Variants in TRABD2B observed in about 807,000 individuals in gnomAD.
The protein encoded by TRABD2B is TraB domain containing 2B.
TRABD2B carries 14 observed loss-of-function variants against 40.1 expected under a neutral mutation model. That is an observed-to-expected ratio of 0.35 (90% CI 0.23 to 0.55). The LOEUF is 0.55. Among genes scored for constraint, TRABD2B ranks in the 20% least tolerant of loss-of-function variants. The probability of loss-of-function intolerance (pLI) is 0.90; values close to 1 mark genes in which losing one functional copy is unlikely to be tolerated. For synonymous variants in TRABD2B, 263 were observed against 277.0 expected (o/e 0.95, Z 0.50); for missense variants, 541 against 648.6 (o/e 0.83, Z 1.80).
intron 2 of TRABD2B, among the ~76,000 whole-genome samples, chr1:47,918,555 T>A (rs1373641361): frequency 2.6e-5 from 4 of 152,100 alleles, no homozygotes; most frequent in Non-Finnish European, 5.9e-5. Context: ...ATAAAGAAAT[T>A]CTTGTTGAGT....
At chr1:47,880,855 C>A (rs1644293285) in intron 2 of TRABD2B, among the ~76,000 whole-genome samples, 2 of 152,192 alleles carry the variant, frequency 1.3e-5, no homozygotes, top group African/African-American at 4.8e-5. Flanking sequence ...CCCCCACTTG[C>A]TATCATTTGC....
At chr1:47,927,510 A>G (rs1644984949) in intron 2 of TRABD2B, among the ~76,000 whole-genome samples, 1 of 152,232 alleles carries the variant, frequency 6.6e-6, no homozygotes, top group Non-Finnish European at 1.5e-5. Flanking sequence ...CAGAGAGCCC[A>G]GGCCTGTCTC....
At chr1:47,871,303 G>A (rs760221058) in intron 2 of TRABD2B, among the ~76,000 whole-genome samples, 1 of 152,122 alleles carries the variant, frequency 6.6e-6, no homozygotes. Context: ...CGCCGTCAGT[G>A]TGGCCCCTCC....
chr1:47,794,562 T>C (rs1313787744), intron 4 of TRABD2B, 24 bp downstream of exon 4: 1 of 1,494,794 alleles, frequency 6.7e-7, no homozygotes, highest in Non-Finnish European at 8.9e-7. Context: ...CTGCAAACAA[T>C]CCCTTCCCCA....
At chr1:47,863,654 G>T (rs1418681849) in intron 2 of TRABD2B, among the ~76,000 whole-genome samples, 1 of 151,972 alleles carries the variant, frequency 6.6e-6, no homozygotes, top group African/African-American at 2.4e-5. Context: ...ATTGCTGATG[G>T]GAAGCAAAAT....
intron 2 of TRABD2B, among the ~76,000 whole-genome samples, chr1:47,810,299 G>T (rs1298607779): frequency 3.3e-5 from 5 of 152,078 alleles, no homozygotes. Context: ...GAGCCTCCTG[G>T]ACTCAAGTGA....
chr1:47,773,111 G>A (rs1319232485), intron 6 of TRABD2B, among the ~76,000 whole-genome samples: 1 of 152,222 alleles, frequency 6.6e-6, no homozygotes, highest in Non-Finnish European at 1.5e-5. Flanking sequence ...CCAGCTTCCC[G>A]TCACCCCATG....
At chr1:47,991,037 G>T (rs1042542070) in intron 2 of TRABD2B, among the ~76,000 whole-genome samples, 21 of 151,350 alleles carry the variant, frequency 1.4e-4, no homozygotes, top group Admixed American at 8.5e-4. Context: ...GTCCTAAAGG[G>T]GAGAGAGAAA....
intron 4 of TRABD2B, among the ~76,000 whole-genome samples, chr1:47,783,116 C>CA (rs1644548700): frequency 4.0e-5 from 6 of 151,664 alleles, no homozygotes; most frequent in Admixed American, 3.9e-4. Flanking sequence ...GGGAGAAGAG[C>CA]AGAGAGATAC....
intron 2 of TRABD2B, among the ~76,000 whole-genome samples, chr1:47,949,665 C>T (rs1177315791): frequency 6.6e-6 from 1 of 151,904 alleles, no homozygotes; most frequent in Non-Finnish European, 1.5e-5. Flanking sequence ...GCCTCATCCT[C>T]CCAAAGTGCT....
chr1:47,802,872 G>T (rs572965229), intron 2 of TRABD2B, among the ~76,000 whole-genome samples: 7 of 152,200 alleles, frequency 4.6e-5, no homozygotes, highest in East Asian at 1.9e-4. Context: ...AACGTTCACA[G>T]GTCCCTCCCA....
At chr1:47,991,522 C>A (rs1214753095) in intron 2 of TRABD2B, among the ~76,000 whole-genome samples, 1 of 152,190 alleles carries the variant, frequency 6.6e-6, no homozygotes, top group Non-Finnish European at 1.5e-5. Flanking sequence ...TAGACCTGAT[C>A]TTCCAAGCTG....
intron 2 of TRABD2B, among the ~76,000 whole-genome samples, chr1:47,835,064 T>C (rs555394203): frequency 6.6e-6 from 1 of 152,250 alleles, no homozygotes; most frequent in African/African-American, 2.4e-5. Context: ...CCTCATCACA[T>C]ATAGAATAGT....
intron 2 of TRABD2B, among the ~76,000 whole-genome samples, chr1:47,869,193 A>G (rs1240763390): frequency 6.6e-6 from 1 of 152,212 alleles, no homozygotes; most frequent in East Asian, 1.9e-4. Context: ...TTCCATTCAT[A>G]CACATACATG....
Position 47,762,652 on chromosome 1 carries a change from A to G in TRABD2B, c.*3250T>C, listed in dbSNP as rs897885215. 1.3e-5 allele frequency: 2 copies of G among 152,220 alleles called. No homozygotes were observed. Among genetic ancestry groups the G allele is most frequent in the Admixed American group, 6.5e-5 (1 of 15,284 alleles). 9.4% of individuals were successfully genotyped at this position (152,220 alleles called of 1,614,324 possible). On this transcript the variant is annotated 3_prime_UTR_variant, in exon 7 of 7. Transcript: ENST00000606738. ...AAGGACAAATTTGTTCATAACCAGC[A>G]CAAGGTTCCATGCTTCCTAGATCCC...
At chr1:47,817,563 C>A (rs1441812670) in intron 2 of TRABD2B, among the ~76,000 whole-genome samples, 2 of 152,134 alleles carry the variant, frequency 1.3e-5, no homozygotes, top group Admixed American at 6.5e-5. Flanking sequence ...CTGCTCCATG[C>A]CCTCTCGGGG....
At chr1:47,983,755 A>AG in intron 2 of TRABD2B, among the ~76,000 whole-genome samples, 1 of 39,714 alleles carries the variant, frequency 2.5e-5, no homozygotes, top group East Asian at 1.2e-3. Context: ...TGGCAAAAAA[A>AG]GAAAAAAAAA....
At chr1:47,843,458 C>T (rs1332055104) in intron 2 of TRABD2B, among the ~76,000 whole-genome samples, 3 of 152,080 alleles carry the variant, frequency 2.0e-5, no homozygotes, top group Admixed American at 6.5e-5. Flanking sequence ...GAGCAACTGT[C>T]GGAGTGGAGC....
Position 47,928,780 on chromosome 1 carries a change from G to A in TRABD2B, c.666+65254C>T, listed in dbSNP as rs78850385. ...AATGCAGGACTGAAGGGTCCCTCAG[G>A]CCCTCACTCTGAGCTCTTTCAGGCT... On this transcript the variant is annotated intron_variant, in intron 2 of 6. Transcript: ENST00000606738. Among the ~76,000 whole-genome samples the A allele has an allele frequency of 1.5e-3, 230 of 152,280 alleles. 3 individuals are homozygous for A. The East Asian group carries it at 0.033, about 22-fold the overall frequency.
Sources: allele counts gnomAD v4.1 joint callset (sites outside exome capture counted in the v4.1 genomes callset), GRCh38; gene constraint gnomAD v4.1.1; transcripts MANE v1.5; gene names NCBI Gene and HGNC (gene_info 2026-07-23, HGNC 2026-07-21).